Variants in ASPRV1 observed in about 807,000 individuals in gnomAD.
The protein encoded by ASPRV1 is retroviral-like aspartic protease 1.
A neutral mutation model predicts 11.0 loss-of-function variants in ASPRV1; 7 were observed. The observed-to-expected ratio is 0.64, with a 90% CI of 0.36 to 1.20. ASPRV1 has a LOEUF of 1.20. ASPRV1 is among the 50% of genes most tolerant of loss of function. The pLI is 0.02. For missense variants in ASPRV1, 299 were observed against 320.0 expected, an observed-to-expected ratio of 0.93 and a Z score of 0.50; for synonymous variants, 136 against 138.4, an observed-to-expected ratio of 0.98 and a Z score of 0.12.
chr2:70,054,001 G>A, the ASPRV1 span: 1 of 152,216 alleles, frequency 6.6e-6, no homozygotes, highest in Non-Finnish European at 1.5e-5. Context: ...TACCCTAATA[G>A]GGAAAACAAA....
the ASPRV1 span, chr2:70,029,968 T>C: frequency 6.6e-6 from 1 of 152,214 alleles, no homozygotes; most frequent in Non-Finnish European, 1.5e-5. Context: ...TTGCTCTGTT[T>C]TCAAGATTTG....
chr2:69,947,409 G>T, the ASPRV1 span, among the ~76,000 whole-genome samples: 1 of 152,164 alleles, frequency 6.6e-6, no homozygotes, highest in East Asian at 1.9e-4. Context: ...TCATGCAACA[G>T]ATCATCTTTC....
chr2:70,003,444 G>A, the ASPRV1 span: 1 of 152,248 alleles, frequency 6.6e-6, no homozygotes, highest in African/African-American at 2.4e-5. Flanking sequence ...CAAAAGCAGA[G>A]GGAGCCTTTT....
chr2:69,943,122 T>C, the ASPRV1 span, among the ~76,000 whole-genome samples: 1 of 152,170 alleles, frequency 6.6e-6, no homozygotes, highest in Non-Finnish European at 1.5e-5. Context: ...GTTGAGCCCA[T>C]TTGTTGATCA....
the ASPRV1 span, among the ~76,000 whole-genome samples, chr2:70,074,263 A>G: frequency 1.3e-5 from 2 of 151,790 alleles, no homozygotes; most frequent in Non-Finnish European, 2.9e-5. Context: ...TCAGAGTTCA[A>G]AGAGACTTCA....
At chr2:70,057,835 C>G in the ASPRV1 span, among the ~76,000 whole-genome samples, 2 of 151,300 alleles carry the variant, frequency 1.3e-5, no homozygotes, top group African/African-American at 4.9e-5. Flanking sequence ...CGCTCTGTGG[C>G]TAGGCTGAAA....
chr2:70,058,955 C>T, the ASPRV1 span, among the ~76,000 whole-genome samples: 3 of 148,768 alleles, frequency 2.0e-5, no homozygotes, highest in Admixed American at 6.7e-5. Context: ...GGCGCCAACC[C>T]GGCTCACTGC....
the ASPRV1 span, among the ~76,000 whole-genome samples, chr2:70,011,086 T>A: frequency 1.3e-5 from 2 of 151,738 alleles, no homozygotes; most frequent in African/African-American, 2.4e-5. Flanking sequence ...AGGGGAGCAA[T>A]ACACACTGGG....
chr2:70,044,396 G>A, the ASPRV1 span, among the ~76,000 whole-genome samples: 1 of 152,120 alleles, frequency 6.6e-6, no homozygotes, highest in East Asian at 1.9e-4. Flanking sequence ...AGGATCCCTG[G>A]ATGTGTGCCA....
the ASPRV1 span, among the ~76,000 whole-genome samples, chr2:70,047,483 G>T: frequency 6.6e-6 from 1 of 152,166 alleles, no homozygotes; most frequent in Non-Finnish European, 1.5e-5. Context: ...AACTATATAA[G>T]CTATGTGCAA....
chr2:70,061,551 C>G, the ASPRV1 span, among the ~76,000 whole-genome samples: 1 of 152,110 alleles, frequency 6.6e-6, no homozygotes, highest in African/African-American at 2.4e-5. Flanking sequence ...GATGAAGGTG[C>G]CAGCAGTAGG....
At chr2:70,026,227 G>A in the ASPRV1 span, among the ~76,000 whole-genome samples, 3 of 152,288 alleles carry the variant, frequency 2.0e-5, no homozygotes, top group African/African-American at 7.2e-5. Context: ...GCTGAGGCAG[G>A]AGAATCACTT....
the ASPRV1 span, among the ~76,000 whole-genome samples, chr2:69,986,756 G>T: frequency 1.3e-5 from 2 of 152,206 alleles, no homozygotes; most frequent in Non-Finnish European, 2.9e-5. Context: ...TGCTGTGTCT[G>T]CTTTGATCAC....
the ASPRV1 span, among the ~76,000 whole-genome samples, chr2:69,936,666 A>G: frequency 6.6e-6 from 1 of 152,204 alleles, no homozygotes; most frequent in South Asian, 2.1e-4. Context: ...AAAAATGAGT[A>G]TTCTATGGAA....
At chr2:69,958,811 A>G (rs1332591125), downstream of ASPRV1, among the ~76,000 whole-genome samples, 2 of 151,912 alleles carry the variant, frequency 1.3e-5, no homozygotes, top group South Asian at 2.1e-4. Context: ...CAGTTCCCCC[A>G]TCGCCTTCTC....
the ASPRV1 span, among the ~76,000 whole-genome samples, chr2:69,949,274 T>C: frequency 2.0e-5 from 3 of 151,602 alleles, no homozygotes; most frequent in African/African-American, 4.9e-5. Context: ...AATGAATGAA[T>C]GAATGAATGA....
chr2:70,082,889 C>A, the ASPRV1 span, among the ~76,000 whole-genome samples: 1 of 151,880 alleles, frequency 6.6e-6, no homozygotes, highest in African/African-American at 2.4e-5. Context: ...GCAAGACCTT[C>A]TCTCAAAAAA....
the ASPRV1 span, chr2:69,938,361 C>A: frequency 1.4e-6 from 2 of 1,464,728 alleles, no homozygotes; most frequent in South Asian, 1.3e-5. Flanking sequence ...GACCTGCCCA[C>A]AACTCCCTTG....
the ASPRV1 span, among the ~76,000 whole-genome samples, chr2:70,005,060 C>CTTA: frequency 6.6e-6 from 1 of 151,580 alleles, no homozygotes; most frequent in Non-Finnish European, 1.5e-5. Flanking sequence ...ACTATGGTTT[C>CTTA]TTATTATTAT....
Sources: allele counts gnomAD v4.1 joint callset (sites outside exome capture counted in the v4.1 genomes callset), GRCh38; gene constraint gnomAD v4.1.1; transcripts MANE v1.5; gene names NCBI Gene and HGNC (gene_info 2026-07-23, HGNC 2026-07-21).